Variants in PTGER3 observed in about 807,000 individuals in gnomAD.
PTGER3 encodes the protein prostaglandin E2 receptor EP3 subtype.
A neutral mutation model predicts 34.7 loss-of-function variants in PTGER3; 22 were observed. The observed-to-expected ratio is 0.63, with a 90% confidence interval of 0.45 to 0.91. The LOEUF (loss-of-function observed/expected upper bound fraction) is 0.91, where lower values mean the gene tolerates loss of function less well. PTGER3 is among the 40% of genes least tolerant of loss of function. PTGER3 has a pLI of 0.00. For synonymous variants in PTGER3, 241 were observed against 230.1 expected, an observed-to-expected ratio of 1.05 and a Z score of -0.43; for missense variants, 468 against 519.4, an observed-to-expected ratio of 0.90 and a Z score of 0.96.
At chr1:70,948,467 CT>C (rs1650434705), downstream of PTGER3, among the ~76,000 whole-genome samples, 1 of 152,132 alleles carries the variant, frequency 6.6e-6, no homozygotes, top group South Asian at 2.1e-4. Flanking sequence ...AATTAAACCT[CT>C]TTCCTTTATA....
intron 4 of PTGER3, among the ~76,000 whole-genome samples, chr1:70,858,418 C>G (rs906188172): frequency 1.3e-5 from 2 of 152,034 alleles, no homozygotes; most frequent in Non-Finnish European, 2.9e-5. Flanking sequence ...CTCTGAAAAC[C>G]TCGTTTCTGT....
chr1:70,854,417 A>G (rs1249479599), intron 4 of PTGER3, among the ~76,000 whole-genome samples: 3 of 152,140 alleles, frequency 2.0e-5, no homozygotes, highest in Non-Finnish European at 2.9e-5. Flanking sequence ...ATGAGATATC[A>G]CCCATTAAGA....
intron 1 of PTGER3, among the ~76,000 whole-genome samples, chr1:71,036,641 C>T (rs966970642): frequency 2.0e-5 from 3 of 152,132 alleles, no homozygotes; most frequent in African/African-American, 7.2e-5. Flanking sequence ...GAGATCGAGA[C>T]CATCCTGGCT....
chr1:70,961,172 G>A (rs1041912931), intron 2 of PTGER3, among the ~76,000 whole-genome samples: 9 of 152,098 alleles, frequency 5.9e-5, no homozygotes, highest in Admixed American at 1.3e-4. Context: ...CAAAATCCTC[G>A]GCCCCATGCC....
At chr1:70,958,967 G>A (rs1049385637) in intron 2 of PTGER3, among the ~76,000 whole-genome samples, 10 of 152,080 alleles carry the variant, frequency 6.6e-5, no homozygotes, top group Admixed American at 3.9e-4. Context: ...TGGCATCTTC[G>A]TCAAAAATCA....
intron 2 of PTGER3, among the ~76,000 whole-genome samples, chr1:70,956,556 T>C (rs1409897404): frequency 6.6e-6 from 1 of 151,994 alleles, no homozygotes; most frequent in South Asian, 2.1e-4. Flanking sequence ...AGACTAACAA[T>C]ACAAGCATTA....
intron 2 of PTGER3, chr1:70,997,294 A>T (rs1197977250): frequency 6.6e-6 from 1 of 152,176 alleles, no homozygotes; most frequent in African/African-American, 2.4e-5. Context: ...TAAAATAAGT[A>T]AATAAATAAA....
chr1:70,991,139 C>G (rs1296038398), intron 2 of PTGER3, among the ~76,000 whole-genome samples: 1 of 152,082 alleles, frequency 6.6e-6, no homozygotes, highest in Non-Finnish European at 1.5e-5. Context: ...ATTAGAACTC[C>G]CACTCTCCAA....
chr1:70,869,358 T>G (rs1338493713), intron 4 of PTGER3: 1 of 456,568 alleles, frequency 2.2e-6, no homozygotes, highest in South Asian at 1.6e-5. Flanking sequence ...GATTTGGGCA[T>G]GGACAAATAT....
At chr1:71,009,792 A>G in intron 2 of PTGER3, 1 of 985,234 alleles carries the variant, frequency 1.0e-6, no homozygotes, top group Non-Finnish European at 1.2e-6. Context: ...AGTATACATG[A>G]GTGAACTTGA....
At chr1:70,896,524 G>T (rs1010023027) in intron 4 of PTGER3, among the ~76,000 whole-genome samples, 3 of 152,190 alleles carry the variant, frequency 2.0e-5, no homozygotes, top group African/African-American at 7.2e-5. Context: ...CAAACTTACA[G>T]CCTCTGGAGC....
chr1:70,873,767 C>G (rs1646215884), intron 4 of PTGER3, among the ~76,000 whole-genome samples: 1 of 151,686 alleles, frequency 6.6e-6, no homozygotes, highest in African/African-American at 2.4e-5. Context: ...CCTGCTTCAG[C>G]CTCCTGAGTA....
chr1:70,889,776 G>A (rs1357057753), intron 4 of PTGER3, among the ~76,000 whole-genome samples: 1 of 152,110 alleles, frequency 6.6e-6, no homozygotes, highest in Non-Finnish European at 1.5e-5. Context: ...AAAACCTTGA[G>A]CTGAGGAGAA....
At chr1:70,945,635 T>C (rs1217648685) in intron 4 of PTGER3, among the ~76,000 whole-genome samples, 1 of 152,066 alleles carries the variant, frequency 6.6e-6, no homozygotes, top group Non-Finnish European at 1.5e-5. Context: ...TCATGTCAAG[T>C]TAAGAAGAAA....
rs113267072 is a variant in PTGER3, at chr1:71,005,916, C to T, written c.1077+6389G>A. 7.4e-6 allele frequency: 6 copies of T among 809,212 alleles called. No individual in the cohort carries two copies. In the African/African-American group the frequency reaches 7.5e-5, roughly 10 times the overall value. The allele number at this position is 809,212 out of a possible 1,614,324, so 50.1% of individuals were successfully genotyped here. A position where few individuals can be genotyped will look rare whatever the true frequency, so the allele number is the denominator to read the frequency against. On this transcript the variant is annotated intron_variant, in intron 2 of 3. Coordinates refer to ENST00000306666, the MANE Select transcript of PTGER3 (RefSeq NM_198719.2). Reference sequence around the variant, plus strand: ...TAATAATCACAATTGTACATATTCGCAGGGCACAGAGCGATGTTTCGATAC... The same window carrying T: ...TAATAATCACAATTGTACATATTCGTAGGGCACAGAGCGATGTTTCGATAC...
intron 4 of PTGER3, among the ~76,000 whole-genome samples, chr1:70,939,251 G>A (rs1239032339): frequency 1.3e-5 from 2 of 152,198 alleles, no homozygotes; most frequent in Non-Finnish European, 2.9e-5. Context: ...GACGCAAGAG[G>A]TAAGTTCCCA....
At chr1:70,997,915 C>A (rs1442084118) in intron 2 of PTGER3, among the ~76,000 whole-genome samples, 7 of 152,204 alleles carry the variant, frequency 4.6e-5, no homozygotes, top group African/African-American at 1.7e-4. Flanking sequence ...TGTATTCCAT[C>A]CATCTACAGC....
downstream of PTGER3, among the ~76,000 whole-genome samples, chr1:70,949,616 A>C (rs1241838348): frequency 6.6e-6 from 1 of 152,210 alleles, no homozygotes; most frequent in Admixed American, 6.5e-5. Flanking sequence ...CAAAGAAAAA[A>C]ACATCAAGGA....
At chr1:71,037,930 T>C (rs1011834753) in intron 1 of PTGER3, among the ~76,000 whole-genome samples, 3 of 152,210 alleles carry the variant, frequency 2.0e-5, no homozygotes, top group Admixed American at 2.0e-4. Flanking sequence ...AGCTGGCTGT[T>C]GAGGCATTCT....
Sources: allele counts gnomAD v4.1 joint callset (sites outside exome capture counted in the v4.1 genomes callset), GRCh38; gene constraint gnomAD v4.1.1; transcripts MANE v1.5; gene names NCBI Gene and HGNC (gene_info 2026-07-23, HGNC 2026-07-21).